CLEC5A: variants seen among roughly 807,000 people sequenced by gnomAD.
The protein encoded by CLEC5A is C-type lectin domain family 5 member A.
A neutral mutation model predicts 24.4 loss-of-function variants in CLEC5A; 15 were observed. The ratio of observed to expected loss-of-function variants is 0.62; its 90% CI spans 0.41 to 0.95. CLEC5A has a LOEUF of 0.95. Among genes scored for constraint, CLEC5A ranks in the 40% least tolerant of loss-of-function variants. CLEC5A has a pLI of 0.00. For synonymous variants in CLEC5A, 71 were observed against 72.6 expected (o/e 0.98, Z 0.11); for missense variants, 211 against 224.0 (o/e 0.94, Z 0.37).
intron 5 of CLEC5A, among the ~76,000 whole-genome samples, chr7:141,932,684 A>G (rs1470549683): frequency 1.3e-5 from 2 of 152,202 alleles, no homozygotes; most frequent in Non-Finnish European, 2.9e-5. Context: ...GAGGATGTGG[A>G]AACAAATATA....
Position 141,943,959 on chromosome 7 carries a change from G to A in CLEC5A, c.145C>T (p.Gln49Ter). The change falls in exon 4 of 7, where the codon CAG (glutamine) becomes TAG (stop). Residue 49 changes from glutamine to a stop codon, truncating the protein, a stop_gained. Transcript: ENST00000546910. LOFTEE classifies it high-confidence loss of function. ...CTTGGGGAACTGCTCCCAAAAATCT[G>A]TGAGACTAAAGTGAAAAGTAAACCT... Reference protein sequence around the residue: ...TTTRSYGTVSQIFGSSSPSPN... With the variant: ...TTTRSYGTVS The A allele has an allele frequency of 6.2e-7, 1 of 1,602,806 alleles. No individual in the cohort carries two copies. The highest frequency in any genetic ancestry group is 8.5e-7 in the Non-Finnish European group (1 of 1,170,024).
intron 4 of CLEC5A, among the ~76,000 whole-genome samples, chr7:141,942,695 C>A (rs941446020): frequency 1.3e-5 from 2 of 151,858 alleles, no homozygotes; most frequent in African/African-American, 4.8e-5. Flanking sequence ...GTATTAATAA[C>A]CAGAATATAT....
In CLEC5A at chr7:141,945,362, T is replaced by C. The variant is rs1554442033; in HGVS notation, c.118A>G (p.Thr40Ala). 7 of 1,612,900 alleles carry C rather than the reference T, an allele frequency of 4.3e-6. No individual in the cohort carries two copies. Among genetic ancestry groups the C allele is most frequent in the Non-Finnish European group, 5.1e-6 (6 of 1,179,014 alleles). The change falls in exon 3 of 7, where the codon ACC (threonine) becomes GCC (alanine). Residue 40 changes from threonine (T) to alanine (A), a missense_variant. Transcript: ENST00000546910. ...TTACCTGTTCCATAGCTCCTGGTGG[T>C]GGTGAAACCATCGTTACTTTTGTTA... ...IFNKSNDGFT[T>A]TRSYGTVSQI...
chr7:141,944,095 C>A, intron 3 of CLEC5A, 131 bp from the exon 4 acceptor site: 2 of 587,118 alleles, frequency 3.4e-6, no homozygotes, highest in Non-Finnish European at 6.4e-6. Flanking sequence ...TGAGCTAGAA[C>A]ATTTCAAATA....
intron 4 of CLEC5A, 133 bp downstream of exon 4, chr7:141,943,763 A>G: frequency 1.5e-6 from 1 of 679,282 alleles, no homozygotes; most frequent in Non-Finnish European, 2.7e-6. Flanking sequence ...TACAAAGAGA[A>G]TGAACTGGAA....
chr7:141,933,982 GA>G (rs1489693713), intron 5 of CLEC5A, among the ~76,000 whole-genome samples: 1 of 152,292 alleles, frequency 6.6e-6, no homozygotes, highest in African/African-American at 2.4e-5. Flanking sequence ...AAGAGCTGCT[GA>G]ATAAAACTAC....
At chr7:141,934,743 A>G (rs1035961997) in intron 5 of CLEC5A, among the ~76,000 whole-genome samples, 4 of 143,862 alleles carry the variant, frequency 2.8e-5, no homozygotes, top group African/African-American at 1.0e-4. Flanking sequence ...CTTGTGCCTC[A>G]GCCACTTAAG....
In CLEC5A at chr7:141,927,470, G is replaced by A. The variant is rs1160948797; in HGVS notation, c.*2634C>T. 6.6e-5 allele frequency: 10 copies of A among 152,250 alleles called. No homozygotes were observed. The East Asian group carries it at 1.7e-3, about 26-fold the overall frequency. The allele number at this position is 152,250 out of a possible 1,614,324, so 9.4% of individuals were successfully genotyped here. A position where few individuals can be genotyped will look rare whatever the true frequency, so the allele number is the denominator to read the frequency against. ...TGAAGGCCAGATGGAGATTGCATCA[G>A]TTAGATTTTGCTATACGAGAGATAA... On this transcript the variant is annotated 3_prime_UTR_variant, in exon 7 of 7. Transcript: ENST00000546910.
intron 5 of CLEC5A, among the ~76,000 whole-genome samples, chr7:141,933,257 G>A (rs1802516445): frequency 6.6e-6 from 1 of 152,098 alleles, no homozygotes; most frequent in African/African-American, 2.4e-5. Flanking sequence ...TGATAGATGA[G>A]GTGATACCTG....
At chr7:141,934,751 A>G (rs1305244958) in intron 5 of CLEC5A, among the ~76,000 whole-genome samples, 1 of 148,148 alleles carries the variant, frequency 6.8e-6, no homozygotes, top group Non-Finnish European at 1.5e-5. Flanking sequence ...TCAGCCACTT[A>G]AGTAGCTGGG....
In CLEC5A at chr7:141,944,057, G is replaced by A. The variant is rs1019666005; in HGVS notation, c.140-93C>T. 7 of 790,336 alleles carry A rather than the reference G, an allele frequency of 8.9e-6. No homozygotes were observed. The African/African-American group carries it at 1.2e-4, about 13-fold the overall frequency. The allele number at this position is 790,336 out of a possible 1,614,324, so 49.0% of individuals were successfully genotyped here. A position where few individuals can be genotyped will look rare whatever the true frequency, so the allele number is the denominator to read the frequency against. ...TATGGGCTGTGTGACTCTGAATCAT[G>A]GAGATGACAAGAAGCTCTTGGCCAC... On this transcript the variant is annotated intron_variant, in intron 3 of 6. Coordinates refer to ENST00000546910, the MANE Select transcript of CLEC5A (RefSeq NM_013252.3).
Position 141,945,374 on chromosome 7 carries a change from C to T in CLEC5A, c.106G>A (p.Asp36Asn), listed in dbSNP as rs782227023. ...TAGCTCCTGGTGGTGGTGAAACCATCGTTACTTTTGTTAAAAATCTGTGGG... is the reference window on the plus strand; with the variant it reads ...TAGCTCCTGGTGGTGGTGAAACCATTGTTACTTTTGTTAAAAATCTGTGGG... ...YFPQIFNKSN[D>N]GFTTTRSYGT... The change falls in exon 3 of 7, where the codon GAT (aspartate) becomes AAT (asparagine). Residue 36 changes from aspartate to asparagine, a missense_variant. Transcript: ENST00000546910. 9.9e-6 allele frequency: 16 copies of T among 1,613,116 alleles called. No individual in the cohort carries two copies. The East Asian group carries it at 1.3e-4, about 13-fold the overall frequency.
At chr7:141,941,319 A>G (rs1554441628) in intron 4 of CLEC5A, among the ~76,000 whole-genome samples, 1 of 152,114 alleles carries the variant, frequency 6.6e-6, no homozygotes, top group African/African-American at 2.4e-5. Flanking sequence ...AGAATGAAGA[A>G]CAAAAACCAT....
chr7:141,927,543 T>G lies in CLEC5A; in HGVS notation c.*2561A>C, dbSNP rs1227325531. ...AGTGATAAGTTTTTATTTTTGTGCTTAGAGTTTCAGCTGATCTAGGGTGGC... is the reference window on the plus strand; with the variant it reads ...AGTGATAAGTTTTTATTTTTGTGCTGAGAGTTTCAGCTGATCTAGGGTGGC... On this transcript the variant is annotated 3_prime_UTR_variant, in exon 7 of 7. Transcript: ENST00000546910. The G allele has an allele frequency of 6.6e-6, 1 of 152,250 alleles. No homozygotes were observed. The highest frequency in any genetic ancestry group is 1.5e-5 in the Non-Finnish European group (1 of 68,042). The allele number at this position is 152,250 out of a possible 1,614,324, so 9.4% of individuals were successfully genotyped here.
intron 5 of CLEC5A, among the ~76,000 whole-genome samples, chr7:141,934,573 G>A (rs901803629): frequency 1.5e-4 from 22 of 146,290 alleles, no homozygotes; most frequent in Non-Finnish European, 2.7e-4. Flanking sequence ...CGAGTCAGCA[G>A]CAAACCATTG....
chr7:141,930,654 A>G (rs1188610941), intron 6 of CLEC5A, among the ~76,000 whole-genome samples: 2 of 152,186 alleles, frequency 1.3e-5, no homozygotes, highest in Non-Finnish European at 2.9e-5. Flanking sequence ...GGCCTCAGAA[A>G]AACTTGGTGG....
chr7:141,933,673 GA>G (rs1802533904), intron 5 of CLEC5A, among the ~76,000 whole-genome samples: 1 of 149,488 alleles, frequency 6.7e-6, no homozygotes, highest in Non-Finnish European at 1.5e-5. Context: ...ACTATTGTTT[GA>G]AAAAGGTATA....
chr7:141,944,306 T>C (rs148720862), intron 3 of CLEC5A, among the ~76,000 whole-genome samples: 6 of 152,256 alleles, frequency 3.9e-5, no homozygotes, highest in African/African-American at 9.6e-5. Flanking sequence ...CCTTTGACAG[T>C]GTTTTCTCCA....
intron 4 of CLEC5A, among the ~76,000 whole-genome samples, chr7:141,940,838 G>A (rs986220080): frequency 5.1e-4 from 77 of 151,730 alleles, no homozygotes; most frequent in African/African-American, 1.8e-3. Context: ...GAAGAAATGG[G>A]CAAATTCCTA....
Sources: allele counts gnomAD v4.1 joint callset (sites outside exome capture counted in the v4.1 genomes callset), GRCh38; gene constraint gnomAD v4.1.1; transcripts MANE v1.5; gene names NCBI Gene and HGNC (gene_info 2026-07-23, HGNC 2026-07-21).